The following VSNL1 variants were observed in gnomAD, a reference collection of about 807,000 sequenced individuals.
VSNL1 encodes the protein visinin like 1, also known as visinin-like protein 1.
In VSNL1, 6 loss-of-function variants were observed where a neutral mutation model predicts 20.4. That is an observed-to-expected ratio of 0.29 (90% CI 0.16 to 0.58). VSNL1 has a LOEUF of 0.58. VSNL1 is among the 20% of genes least tolerant of loss of function. The pLI is 0.90. For missense variants in VSNL1, 100 were observed against 234.5 expected (o/e 0.43, Z 3.75); for synonymous variants, 93 against 86.4 (o/e 1.08, Z -0.42).
intron 3 of VSNL1, among the ~76,000 whole-genome samples, chr2:17,653,363 C>A (rs1212841977): frequency 1.3e-5 from 2 of 152,198 alleles, no homozygotes. Flanking sequence ...CCTTCATACC[C>A]ACTGCCTCAT....
intron 1 of VSNL1, among the ~76,000 whole-genome samples, chr2:17,548,733 C>A (rs1663455650): frequency 6.6e-6 from 1 of 152,178 alleles, no homozygotes; most frequent in African/African-American, 2.4e-5. Flanking sequence ...GCATTTTTTC[C>A]AAGTATATCT....
intron 1 of VSNL1, among the ~76,000 whole-genome samples, chr2:17,545,343 T>G (rs1171236429): frequency 3.3e-5 from 5 of 152,290 alleles, no homozygotes; most frequent in African/African-American, 1.2e-4. Context: ...TTATTTTTTG[T>G]AAAGATATTA....
chr2:17,576,629 C>T (rs1157458166), intron 1 of VSNL1, among the ~76,000 whole-genome samples: 1 of 152,150 alleles, frequency 6.6e-6, no homozygotes, highest in Non-Finnish European at 1.5e-5. Context: ...AATGTTAATA[C>T]TTAAAAGACA....
At chr2:17,639,505 T>C (rs1665834480) in intron 2 of VSNL1, among the ~76,000 whole-genome samples, 1 of 152,174 alleles carries the variant, frequency 6.6e-6, no homozygotes, top group Non-Finnish European at 1.5e-5. Context: ...TGGATGATGA[T>C]TGACTGATCA....
chr2:17,639,215 A>G (rs1665828762), intron 2 of VSNL1, among the ~76,000 whole-genome samples: 1 of 152,098 alleles, frequency 6.6e-6, no homozygotes, highest in Non-Finnish European at 1.5e-5. Flanking sequence ...ATTGGTTTTG[A>G]GCAAATTTGG....
intron 2 of VSNL1, among the ~76,000 whole-genome samples, chr2:17,602,982 G>T (rs1324925182): frequency 6.6e-6 from 1 of 152,114 alleles, no homozygotes; most frequent in East Asian, 1.9e-4. Context: ...TTAACAATCT[G>T]TGTAAATAGC....
chr2:17,561,917 A>T lies in VSNL1; in HGVS notation c.-6+20999A>T, dbSNP rs1228625834. On this transcript the variant is annotated intron_variant, in intron 1 of 3. Coordinates refer to ENST00000295156, the MANE Select transcript of VSNL1 (RefSeq NM_003385.5). Reference sequence around the variant, plus strand: ...AATAGCCAAGAAGTTAATCCAAAAAATGACACTCCCTTTACATTGTTCTAA... The same window carrying T: ...AATAGCCAAGAAGTTAATCCAAAAATTGACACTCCCTTTACATTGTTCTAA... Among the ~76,000 whole-genome samples the T allele has an allele frequency of 3.3e-5, 5 of 152,346 alleles. No homozygotes were observed. The East Asian group carries it at 9.6e-4, about 29-fold the overall frequency.
At chr2:17,558,021 T>C (rs1663729457) in intron 1 of VSNL1, among the ~76,000 whole-genome samples, 1 of 152,098 alleles carries the variant, frequency 6.6e-6, no homozygotes, top group African/African-American at 2.4e-5. Flanking sequence ...AACCAAACTT[T>C]CCTAGGATGA....
intron 1 of VSNL1, among the ~76,000 whole-genome samples, chr2:17,584,350 G>T (rs188503969): frequency 1.1e-3 from 175 of 152,218 alleles, no homozygotes; most frequent in Non-Finnish European, 2.0e-3. Context: ...TGTTTCCCAG[G>T]CACTCAGGAA....
intron 2 of VSNL1, among the ~76,000 whole-genome samples, chr2:17,637,073 G>A (rs531167550): frequency 1.3e-5 from 2 of 152,258 alleles, no homozygotes; most frequent in South Asian, 2.1e-4. Flanking sequence ...CCACCCTCTA[G>A]AGCTGGCTGT....
chr2:17,549,490 C>T (rs62130447), intron 1 of VSNL1, among the ~76,000 whole-genome samples: 4,458 of 152,212 alleles, frequency 0.029, 64 homozygotes, highest in Middle Eastern at 0.054. Flanking sequence ...GTAATAGCTT[C>T]ATAACAAATC....
intron 1 of VSNL1, among the ~76,000 whole-genome samples, chr2:17,566,797 A>AGATTGGTGT (rs1265509984): frequency 6.6e-6 from 1 of 152,146 alleles, no homozygotes; most frequent in Non-Finnish European, 1.5e-5. Flanking sequence ...CGTATTTTTG[A>AGATTGGTGT]GATTGGTGTG....
intron 1 of VSNL1, among the ~76,000 whole-genome samples, chr2:17,590,901 C>A (rs1664579984): frequency 6.6e-6 from 1 of 152,192 alleles, no homozygotes; most frequent in Admixed American, 6.5e-5. Context: ...TGGCACTTTC[C>A]AGATTCTGGA....
intron 1 of VSNL1, among the ~76,000 whole-genome samples, chr2:17,577,043 C>T (rs991143770): frequency 2.0e-5 from 3 of 152,224 alleles, no homozygotes; most frequent in African/African-American, 7.2e-5. Flanking sequence ...TGCCTATAGG[C>T]TACAAGCCTG....
At chr2:17,575,418 G>T (rs1402235798) in intron 1 of VSNL1, among the ~76,000 whole-genome samples, 3 of 152,132 alleles carry the variant, frequency 2.0e-5, no homozygotes, top group Non-Finnish European at 1.5e-5. Flanking sequence ...AAACCTGGTT[G>T]TTTTTCTAAG....
At chr2:17,552,204 A>C (rs573366504) in intron 1 of VSNL1, among the ~76,000 whole-genome samples, 48 of 151,404 alleles carry the variant, frequency 3.2e-4, no homozygotes, top group Non-Finnish European at 6.8e-4. Context: ...CATCTCAAAA[A>C]AAAAAAAACA....
chr2:17,592,071 C>G lies in VSNL1; in HGVS notation c.-4C>G, dbSNP rs776565358. The G allele has an allele frequency of 1.7e-5, 27 of 1,613,438 alleles. No individual in the cohort carries two copies. The highest frequency in any genetic ancestry group is 1.6e-4 in the Middle Eastern group (1 of 6,066). ...TTGAATTAATTTGCTTTTCTTCAGG[C>G]AGGATGGGGAAGCAGAATAGCAAAC... On this transcript the variant is annotated splice_region_variant and 5_prime_UTR_variant, in exon 2 of 4. Transcript: ENST00000295156.
intron 1 of VSNL1, among the ~76,000 whole-genome samples, chr2:17,589,065 T>C (rs1664539373): frequency 6.6e-6 from 1 of 152,124 alleles, no homozygotes; most frequent in Non-Finnish European, 1.5e-5. Context: ...AATGGGTGCC[T>C]AAGTTTGCCA....
At chr2:17,580,711 T>C (rs1417673241) in intron 1 of VSNL1, among the ~76,000 whole-genome samples, 1 of 152,230 alleles carries the variant, frequency 6.6e-6, no homozygotes, top group Admixed American at 6.5e-5. Context: ...TGTTTCTCAC[T>C]ATTAATCTAG....
Sources: allele counts gnomAD v4.1 joint callset (sites outside exome capture counted in the v4.1 genomes callset), GRCh38; gene constraint gnomAD v4.1.1; transcripts MANE v1.5; gene names NCBI Gene and HGNC (gene_info 2026-07-23, HGNC 2026-07-21).